PKD1L1: variants seen among roughly 807,000 people sequenced by gnomAD.
PKD1L1 encodes polycystin 1 like 1, transient receptor potential channel interacting, also known as polycystin-1-like protein 1.
PKD1L1 carries 236 observed loss-of-function variants against 323.4 expected under a neutral mutation model. The ratio of observed to expected loss-of-function variants is 0.73; its 90% CI spans 0.66 to 0.81. The LOEUF (loss-of-function observed/expected upper bound fraction) is 0.81, where lower values mean the gene tolerates loss of function less well. Ranked by LOEUF, PKD1L1 falls within the 40% of genes least tolerant of loss-of-function variation. The pLI is 0.00. For missense variants in PKD1L1, 3,320 were observed against 3,508.0 expected (o/e 0.95, Z 1.35); for synonymous variants, 1,344 against 1,335.0 (o/e 1.01, Z -0.15).
intron 19 of PKD1L1, among the ~76,000 whole-genome samples, chr7:47,884,363 T>C (rs1405261897): frequency 1.3e-5 from 2 of 152,152 alleles, no homozygotes; most frequent in Non-Finnish European, 2.9e-5. Context: ...ATGCTCATCC[T>C]TGGGCCTGGG....
intron 33 of PKD1L1, among the ~76,000 whole-genome samples, chr7:47,844,034 G>A (rs913735876): frequency 6.6e-6 from 1 of 151,952 alleles, no homozygotes; most frequent in African/African-American, 2.4e-5. Flanking sequence ...GAAACCTTTC[G>A]GATTCTGGCC....
chr7:47,811,397 C>T (rs959712618), intron 50 of PKD1L1, among the ~76,000 whole-genome samples: 3 of 152,056 alleles, frequency 2.0e-5, no homozygotes, highest in African/African-American at 7.2e-5. Context: ...CCTTGTGATC[C>T]GCCCACCTCG....
At chr7:47,960,397 G>GAAAA in the PKD1L1 span, among the ~76,000 whole-genome samples, 1 of 58,344 alleles carries the variant, frequency 1.7e-5, no homozygotes, top group East Asian at 6.4e-4. Flanking sequence ...AAAAAAAACT[G>GAAAA]TAAAAAAGAA....
chr7:47,848,278 T>C (rs1321710037), intron 31 of PKD1L1, among the ~76,000 whole-genome samples: 1 of 152,104 alleles, frequency 6.6e-6, no homozygotes, highest in Non-Finnish European at 1.5e-5. Context: ...AAGTCTTCCA[T>C]GTGAATACAT....
In PKD1L1 at chr7:47,857,680, T is replaced by C. The variant is rs1785933966; in HGVS notation, c.4515A>G (p.Thr1505=). The C allele has an allele frequency of 6.2e-7, 1 of 1,614,102 alleles. No homozygotes were observed. Among genetic ancestry groups the C allele is most frequent in the African/African-American group, 1.3e-5 (1 of 74,932 alleles). ...LAGHSPAGAE[T]QSPCYISQLI... The stretch of plus-strand genomic sequence containing the variant: ...GCTGGCTAATGTAGCATGGGCTCTG[T>C]GTCTCCGCCCCAGCAGGACTGTGCC... Residue 1505 remains threonine, a synonymous_variant, in exon 28 of 57, where the codon ACA becomes ACG. Coordinates refer to ENST00000289672, the MANE Select transcript of PKD1L1 (RefSeq NM_138295.5).
rs1427594079 is a variant in PKD1L1 at position 47,931,100 on chromosome 7, G to A, written c.737+4C>T. ...TGCTGGCCTCCATACCTCCTTCACCGTACCTTCTGGGAGAAGTGGGAAAAT... is the reference window on the plus strand; with the variant it reads ...TGCTGGCCTCCATACCTCCTTCACCATACCTTCTGGGAGAAGTGGGAAAAT... On this transcript the variant is annotated splice_donor_region_variant and intron_variant, in intron 6 of 56. Transcript: ENST00000289672. 5.0e-6 allele frequency: 8 copies of A among 1,612,940 alleles called. No homozygotes were observed. The highest frequency in any genetic ancestry group is 4.0e-5 in the African/African-American group (3 of 74,916).
chr7:47,866,426 A>C lies in PKD1L1; in HGVS notation c.4085T>G (p.Val1362Gly). 1 of 1,613,306 alleles carries C rather than the reference A, an allele frequency of 6.2e-7. No individual in the cohort carries two copies. The highest frequency in any genetic ancestry group is 2.2e-5 in the East Asian group (1 of 44,846). ...CCCTCCTCTGAGCCATACCTGATCT[A>C]CAAAAGCCAATCTGCATACTGAAGA... is the stretch of plus-strand genomic sequence containing the variant. ...LISSVCRLAF[V>G]DQEEMIGSVL... is the part of the protein sequence containing the mutation. Residue 1362 changes from valine to glycine, a missense_variant, in exon 25 of 57, where the codon GTA (valine) becomes GGA (glycine). By Grantham distance (109) the Val-to-Gly change is moderately radical. Transcript: ENST00000289672.
rs567029212 is a variant in PKD1L1, at chr7:47,910,696, C to T, written c.1229-2446G>A. On this transcript the variant is annotated intron_variant, in intron 8 of 56. Coordinates refer to ENST00000289672, the MANE Select transcript of PKD1L1 (RefSeq NM_138295.5). ...TTTTTAAGATAGAGTCTCACTCTGT[C>T]GCCCAGGCTAGAGTGCAGTGGCATG... is the stretch of plus-strand genomic sequence containing the variant. Among the ~76,000 whole-genome samples the T allele has an allele frequency of 6.0e-5, 9 of 150,708 alleles. No individual in the cohort carries two copies. In the South Asian group the frequency reaches 8.4e-4, roughly 14 times the overall value.
chr7:47,929,584 G>T, intron 6 of PKD1L1, 58 bp from the exon 7 acceptor site: 2 of 1,480,572 alleles, frequency 1.4e-6, no homozygotes, highest in Non-Finnish European at 1.8e-6. Context: ...GGGGTGGGAG[G>T]GCAGAAGCCA....
chr7:47,783,177 A>G (rs1035979666), intron 56 of PKD1L1, among the ~76,000 whole-genome samples: 2 of 152,194 alleles, frequency 1.3e-5, no homozygotes, highest in Non-Finnish European at 2.9e-5. Flanking sequence ...ATTTAAAAGT[A>G]TTATTTAAAA....
intron 26 of PKD1L1, among the ~76,000 whole-genome samples, chr7:47,862,739 G>A (rs572060713): frequency 3.0e-4 from 46 of 152,260 alleles, no homozygotes; most frequent in African/African-American, 9.6e-4. Flanking sequence ...AGGGCACAGC[G>A]GGAAAAGGAT....
chr7:47,884,706 C>T, intron 18 of PKD1L1, 49 bp from the exon 19 acceptor site: 2 of 1,509,722 alleles, frequency 1.3e-6, no homozygotes, highest in Non-Finnish European at 1.8e-6. Flanking sequence ...TCACAGAATC[C>T]CCTGAAATTA....
Position 47,808,276 on chromosome 7 carries a change from C to A in PKD1L1, c.7798G>T (p.Asp2600Tyr). 1 of 1,614,108 alleles carries A rather than the reference C, an allele frequency of 6.2e-7. No homozygotes were observed. Among genetic ancestry groups the A allele is most frequent in the Non-Finnish European group, 8.5e-7 (1 of 1,180,018 alleles). The change falls in exon 52 of 57, where the codon GAC (aspartate) becomes TAC (tyrosine). Residue 2600 changes from aspartate to tyrosine, a missense_variant. Asp to Tyr is a radical substitution (Grantham distance 160, BLOSUM62 -3). Transcript: ENST00000289672. ...TTCCATGATGCCATAAGGGTGAGGT[C>A]CATAAATGCTCGGCAAAGTCCTCTG... Reference protein sequence around the residue: ...FHRGLCRAFMDLTLMASWNQR... With the variant: ...FHRGLCRAFMYLTLMASWNQR...
In PKD1L1 at chr7:47,893,898, G is replaced by A. The variant is rs143429847; in HGVS notation, c.2433C>T (p.Asp811=). The change falls in exon 15 of 57, where the codon GAC becomes GAT. Residue 811 remains aspartate, a synonymous_variant. Coordinates refer to ENST00000289672, the MANE Select transcript of PKD1L1 (RefSeq NM_138295.5). ...VLRGTQSFDP[D]DPGATLRYHW... ...CTCACCTGAGAGTCGCCCCAGGGTC[G>A]TCAGGGTCGAAGGACTGGGTCCCTC... 6.0e-5 allele frequency: 97 copies of A among 1,613,572 alleles called. No individual in the cohort carries two copies. The highest frequency in any genetic ancestry group is 7.6e-5 in the Non-Finnish European group (90 of 1,179,918).
Position 47,845,179 on chromosome 7 carries a change from G to C in PKD1L1, c.5154-101C>G. ...AAAGGAATGAGAAAAGGAAGAAAGA[G>C]TGCAATAATGATAACTTTATGACTA... On this transcript the variant is annotated intron_variant, in intron 32 of 56. Transcript: ENST00000289672. The C allele has an allele frequency of 1.6e-5, 14 of 901,500 alleles. No homozygotes were observed. The South Asian group carries it at 2.3e-4, about 15-fold the overall frequency. The allele number at this position is 901,500 out of a possible 1,614,324, so 55.8% of individuals were successfully genotyped here.
At chr7:47,880,284 A>ATATATATATATT (rs1225214936) in intron 21 of PKD1L1, among the ~76,000 whole-genome samples, 1 of 56,818 alleles carries the variant, frequency 1.8e-5, no homozygotes, top group Non-Finnish European at 2.8e-5. Context: ...ATATATATAT[A>ATATATATATATT]TTTTTTTTTT....
chr7:47,874,316 G>A (rs1181124491), intron 23 of PKD1L1, among the ~76,000 whole-genome samples: 1 of 152,290 alleles, frequency 6.6e-6, no homozygotes, highest in Admixed American at 6.5e-5. Context: ...GGGGACCCAG[G>A]AATTCCTTCA....
At chr7:47,951,029 G>A (rs1465521456), upstream of PKD1L1, among the ~76,000 whole-genome samples, 1 of 152,210 alleles carries the variant, frequency 6.6e-6, no homozygotes, top group Non-Finnish European at 1.5e-5. Flanking sequence ...TCCCGAGGAC[G>A]GAGGGGTGTG....
chr7:47,913,636 G>A (rs1228575872), intron 8 of PKD1L1, among the ~76,000 whole-genome samples: 1 of 152,162 alleles, frequency 6.6e-6, no homozygotes, highest in Non-Finnish European at 1.5e-5. Flanking sequence ...TGTAACGTGT[G>A]TGTTCCCTGT....
Sources: gnomAD v4.1 joint callset for allele counts (sites outside exome capture counted in the v4.1 genomes callset) on GRCh38, gnomAD v4.1.1 for gene constraint, MANE v1.5 for transcripts, NCBI Gene and HGNC (gene_info 2026-07-23, HGNC 2026-07-21) for gene names.